ANXA6: variants seen among roughly 807,000 people sequenced by gnomAD.
The protein encoded by ANXA6 is annexin A6.
In ANXA6, 71 loss-of-function variants were observed where a neutral mutation model predicts 95.4. The observed-to-expected ratio is 0.74, with a 90% CI of 0.61 to 0.91. The LOEUF (loss-of-function observed/expected upper bound fraction) is 0.91. Ranked by LOEUF, ANXA6 falls within the 40% of genes least tolerant of loss-of-function variation. ANXA6 has a pLI of 0.00. For missense variants in ANXA6, 830 were observed against 876.4 expected, an observed-to-expected ratio of 0.95 and a Z score of 0.67; for synonymous variants, 289 against 315.9, an observed-to-expected ratio of 0.91 and a Z score of 0.90.
At chr5:151,108,650 G>T in intron 22 of ANXA6, 100 bp from the exon 23 acceptor site, 1 of 1,010,180 alleles carries the variant, frequency 9.9e-7, no homozygotes, top group South Asian at 1.3e-5. Context: ...GGCTGTGCCT[G>T]AGAAAGTGGA....
chr5:151,119,479 A>T, intron 17 of ANXA6, 89 bp from the exon 18 acceptor site: 1 of 1,145,590 alleles, frequency 8.7e-7, no homozygotes, highest in South Asian at 1.3e-5. Flanking sequence ...AGCTCAGGCC[A>T]AGCATTCCTG....
At chr5:151,127,635 ATC>A (rs1245097391) in intron 13 of ANXA6, among the ~76,000 whole-genome samples, 5 of 151,958 alleles carry the variant, frequency 3.3e-5, no homozygotes, top group Admixed American at 1.3e-4. Flanking sequence ...GGGCTAGGGC[ATC>A]TCTGTGTGCT....
intron 6 of ANXA6, among the ~76,000 whole-genome samples, chr5:151,136,955 C>T (rs906527013): frequency 6.6e-6 from 1 of 152,228 alleles, no homozygotes; most frequent in Non-Finnish European, 1.5e-5. Flanking sequence ...AATCCATCAT[C>T]ACTGTGTTTA....
intron 1 of ANXA6, among the ~76,000 whole-genome samples, chr5:151,153,258 C>T (rs549150882): frequency 1.3e-5 from 2 of 152,338 alleles, no homozygotes; most frequent in Admixed American, 6.5e-5. Context: ...TCAATTCTAG[C>T]TTCACTAACA....
intron 5 of ANXA6, among the ~76,000 whole-genome samples, chr5:151,137,566 G>A (rs911087977): frequency 6.6e-6 from 1 of 152,184 alleles, no homozygotes; most frequent in Non-Finnish European, 1.5e-5. Context: ...GGGGCCTGGT[G>A]GGAGGTGGTT....
Position 151,105,315 on chromosome 5 carries a change from A to C in ANXA6, c.1781-12T>G. ...CTTGACACTTTGAACTGGTAGGAAGAGCAGAGAGATGCGGGGAACGTGGTC... is the reference window on the plus strand; with the variant it reads ...CTTGACACTTTGAACTGGTAGGAAGCGCAGAGAGATGCGGGGAACGTGGTC... On this transcript the variant is annotated splice_polypyrimidine_tract_variant and intron_variant, in intron 23 of 25. Coordinates refer to ENST00000354546, the MANE Select transcript of ANXA6 (RefSeq NM_001155.5). 2 of 1,613,842 alleles carry C rather than the reference A, an allele frequency of 1.2e-6. No individual in the cohort carries two copies. Among genetic ancestry groups the C allele is most frequent in the Non-Finnish European group, 1.7e-6 (2 of 1,179,738 alleles).
At chr5:151,131,370 T>C in intron 10 of ANXA6, 81 bp from the exon 11 acceptor site, 4 of 1,455,230 alleles carry the variant, frequency 2.7e-6, no homozygotes, top group Non-Finnish European at 2.9e-6. Context: ...TCTTTGTTTC[T>C]ATTCCTTGAG....
Position 151,117,133 on chromosome 5 carries a change from A to G in ANXA6, c.1566T>C (p.Asp522=), listed in dbSNP as rs1765022564. Residue 522 remains aspartate, a synonymous_variant, in exon 20 of 26, where the codon GAT becomes GAC. Transcript: ENST00000354546. ...GGENLDQARE[D]AQVAAEILEI... The stretch of plus-strand genomic sequence containing the variant: ...GGTGGGCTGGGGGTCTTACCTGGGC[A>G]TCTTCCCGTGCCTGGTCCAGGTTTT... The G allele has an allele frequency of 1.3e-6, 2 of 1,589,556 alleles. No individual in the cohort carries two copies.
chr5:151,117,738 G>A lies in ANXA6; in HGVS notation c.1518+20C>T. 1 of 1,609,876 alleles carries A rather than the reference G, an allele frequency of 6.2e-7. No homozygotes were observed. Among genetic ancestry groups the A allele is most frequent in the Non-Finnish European group, 8.5e-7 (1 of 1,176,814 alleles). ...GCCTCCCGATGGGCAAGCCGACCTG[G>A]GGCCCATGAATTCACTCACCGTGGC... is the stretch of plus-strand genomic sequence containing the variant. On this transcript the variant is annotated intron_variant, in intron 19 of 25. Coordinates refer to ENST00000354546, the MANE Select transcript of ANXA6 (RefSeq NM_001155.5).
At chr5:151,104,552 C>T (rs1554083539) in intron 24 of ANXA6, among the ~76,000 whole-genome samples, 1 of 152,246 alleles carries the variant, frequency 6.6e-6, no homozygotes, top group Non-Finnish European at 1.5e-5. Context: ...CAGCTGTGGT[C>T]AGAGAGATGA....
chr5:151,118,927 G>A (rs1283599983), intron 18 of ANXA6, among the ~76,000 whole-genome samples: 1 of 152,116 alleles, frequency 6.6e-6, no homozygotes, highest in African/African-American at 2.4e-5. Flanking sequence ...GGGGCCACTC[G>A]CTTAAAAATG....
rs1242797859 is a variant in ANXA6 at position 151,137,257 on chromosome 5, T to C, written c.383A>G (p.His128Arg). 1 of 1,613,714 alleles carries C rather than the reference T, an allele frequency of 6.2e-7. No individual in the cohort carries two copies. ...ATCTTTGTATGCTGCCACCAGCTGG[T>C]GCATCTGCTCATTGGTCCGGGAAGC... ...ILASRTNEQMHQLVAAYKDAY... is the reference protein window; with the variant it reads ...ILASRTNEQMRQLVAAYKDAY... The change falls in exon 6 of 26, where the codon CAC becomes CGC. Residue 128 changes from histidine (H) to arginine (R), a missense_variant. Transcript: ENST00000354546.
At chr5:151,110,015 C>T (rs1034673481) in intron 21 of ANXA6, among the ~76,000 whole-genome samples, 169 bp from the exon 22 acceptor site, 1 of 152,192 alleles carries the variant, frequency 6.6e-6, no homozygotes, top group African/African-American at 2.4e-5. Flanking sequence ...AGCACAATGG[C>T]TTCTATACTC....
intron 23 of ANXA6, among the ~76,000 whole-genome samples, chr5:151,105,560 GAGGATTCAAAGGTAATTAACTCCTCATGA>G (rs1386748548): frequency 5.3e-5 from 8 of 152,182 alleles, no homozygotes; most frequent in African/African-American, 1.9e-4. Context: ...AAGGTCAGGA[GAGGATTCAAAGGTAATTAACTCCTCATGA>G]ACCCAAGGCA....
intron 2 of ANXA6, 69 bp downstream of exon 2, chr5:151,147,815 A>G: frequency 6.6e-7 from 1 of 1,526,208 alleles, no homozygotes; most frequent in Non-Finnish European, 8.9e-7. Context: ...TAGCAGGCCT[A>G]GTGGCTCCAG....
At chr5:151,128,515 C>T (rs1329211326) in intron 12 of ANXA6, 15 of 418,956 alleles carry the variant, frequency 3.6e-5, no homozygotes, top group Non-Finnish European at 5.4e-5. Flanking sequence ...TACCAATATG[C>T]GGAGTTGAGA....
intron 19 of ANXA6, 49 bp downstream of exon 19, chr5:151,117,709 C>T (rs1457523738): frequency 6.6e-7 from 1 of 1,520,792 alleles, no homozygotes. Context: ...TCCCTTCCTC[C>T]CAGGCCTCCC....
chr5:151,153,171 C>T (rs1766148673), intron 1 of ANXA6, among the ~76,000 whole-genome samples: 1 of 152,188 alleles, frequency 6.6e-6, no homozygotes, highest in Admixed American at 6.5e-5. Context: ...CCTCTTTGCC[C>T]TGTCTTCCCT....
intron 12 of ANXA6, chr5:151,128,464 T>A (rs1183163116): frequency 9.6e-6 from 5 of 521,318 alleles, no homozygotes; most frequent in African/African-American, 3.8e-5. Flanking sequence ...GTGTAAATAC[T>A]TCTAGCAATG....
Sources: allele counts gnomAD v4.1 joint callset (sites outside exome capture counted in the v4.1 genomes callset), GRCh38; gene constraint gnomAD v4.1.1; transcripts MANE v1.5; gene names NCBI Gene and HGNC (gene_info 2026-07-23, HGNC 2026-07-21).